TRDN: variants seen among roughly 807,000 people sequenced by gnomAD.
The protein encoded by TRDN is triadin in skeletal muscle.
TRDN carries 161 observed loss-of-function variants against 149.7 expected under a neutral mutation model. That is an observed-to-expected ratio of 1.08 (90% CI 0.95 to 1.23). TRDN has a LOEUF of 1.23. Ranked by LOEUF, TRDN falls within the 50% of genes most tolerant of loss-of-function variation. The probability of loss-of-function intolerance (pLI) is 0.00; values close to 1 mark genes in which losing one functional copy is unlikely to be tolerated. For synonymous variants in TRDN, 294 were observed against 250.5 expected (o/e 1.17, Z -1.64); for missense variants, 896 against 823.5 (o/e 1.09, Z -1.08).
chr6:123,466,737 C>T (rs565443089), intron 9 of TRDN, among the ~76,000 whole-genome samples: 1 of 151,906 alleles, frequency 6.6e-6, no homozygotes, highest in East Asian at 1.9e-4. Context: ...GCTACAAGGA[C>T]AAAGAAGGAG....
chr6:123,279,879 CT>C lies in TRDN; in HGVS notation c.1511-798del, dbSNP rs557328009. The stretch of plus-strand genomic sequence containing the variant: ...TTTAATTTCAAAACTATCCTAGTAA[CT>C]TTTTCTTTTAGCAAAGATAACATAA... On this transcript the variant is annotated intron_variant, in intron 24 of 40. Transcript: ENST00000334268. Among the ~76,000 whole-genome samples the C allele has an allele frequency of 5.5e-3, 838 of 152,204 alleles. 2 individuals carry two copies. Among genetic ancestry groups the C allele is most frequent in the Middle Eastern group, 0.014 (4 of 294 alleles).
At chr6:123,539,394 C>T (rs1438685208) in intron 4 of TRDN, among the ~76,000 whole-genome samples, 1 of 152,136 alleles carries the variant, frequency 6.6e-6, no homozygotes, top group Non-Finnish European at 1.5e-5. Context: ...AGATGAAACT[C>T]TTGATAAAAT....
At chr6:123,410,638 A>T (rs1773393980) in intron 12 of TRDN, among the ~76,000 whole-genome samples, 2 of 152,150 alleles carry the variant, frequency 1.3e-5, no homozygotes. Context: ...GGTATTAATT[A>T]AATGTACAGT....
chr6:123,603,243 C>G (rs1784362479), intron 1 of TRDN, among the ~76,000 whole-genome samples: 1 of 84,080 alleles, frequency 1.2e-5, no homozygotes. Context: ...AGTCTTATCT[C>G]AGAGGCCACA....
At chr6:123,534,424 T>C (rs1436046243) in intron 4 of TRDN, among the ~76,000 whole-genome samples, 1 of 152,172 alleles carries the variant, frequency 6.6e-6, no homozygotes, top group African/African-American at 2.4e-5. Context: ...CACTGACTGT[T>C]GATATCTGTT....
chr6:123,301,578 C>G (rs189761210), intron 24 of TRDN, among the ~76,000 whole-genome samples: 1 of 151,332 alleles, frequency 6.6e-6, no homozygotes, highest in Non-Finnish European at 1.5e-5. Flanking sequence ...TGATTGATTG[C>G]TCCACCAATA....
At position 123,338,892 on chromosome 6, in the gene TRDN, T is replaced by A. The variant is rs561754571; in HGVS notation, c.1370-1223A>T. ...GAATTTATTAATTCTAATTTTAAAA[T>A]TGGGGAAGGTTTTCACTGAGAGTAC... On this transcript the variant is annotated intron_variant, in intron 21 of 40. Coordinates refer to ENST00000334268, the MANE Select transcript of TRDN (RefSeq NM_006073.4). Among the ~76,000 whole-genome samples, 14 of 152,270 alleles carry A rather than the reference T, an allele frequency of 9.2e-5. No homozygotes were observed. In the East Asian group the frequency reaches 2.3e-3, roughly 25 times the overall value.
intron 8 of TRDN, chr6:123,501,906 A>C (rs2114826979): frequency 1.0e-6 from 1 of 980,414 alleles, no homozygotes; most frequent in Non-Finnish European, 1.2e-6. Context: ...TGGAAAATAA[A>C]CATTATTTTA....
rs148169635 is a variant in TRDN at position 123,371,392 on chromosome 6, C to T, written c.1273+4213G>A. Among the ~76,000 whole-genome samples the T allele has an allele frequency of 9.4e-4, 142 of 151,688 alleles. 1 individual carries two copies. In the East Asian group the frequency reaches 0.023, roughly 25 times the overall value. On this transcript the variant is annotated intron_variant, in intron 19 of 40. Transcript: ENST00000334268. ...GATGTATTTTAAGTCTCTTTTTTTC[C>T]GTCCTATTGGGAAATTTGTTTATAT...
chr6:123,274,700 A>G (rs750169333), intron 26 of TRDN, 30 bp from the exon 27 acceptor site: 3 of 1,582,898 alleles, frequency 1.9e-6, no homozygotes, highest in African/African-American at 1.4e-5. Context: ...GAAAATTTAA[A>G]ACCTGAAAAA....
chr6:123,441,276 A>G (rs1364092817), intron 10 of TRDN, among the ~76,000 whole-genome samples: 2 of 152,080 alleles, frequency 1.3e-5, no homozygotes, highest in African/African-American at 4.8e-5. Context: ...TTCTTCCTCA[A>G]CAGCCAAGAG....
intron 1 of TRDN, among the ~76,000 whole-genome samples, chr6:123,622,023 A>T (rs149930333): frequency 6.6e-6 from 1 of 152,068 alleles, no homozygotes; most frequent in African/African-American, 2.4e-5. Flanking sequence ...CTTACGTGAG[A>T]ATCTTTTTAA....
At chr6:123,564,076 T>C (rs894023682) in intron 2 of TRDN, among the ~76,000 whole-genome samples, 6 of 152,234 alleles carry the variant, frequency 3.9e-5, no homozygotes, top group Non-Finnish European at 7.3e-5. Context: ...TTTATCTTTT[T>C]CCTCATTTCA....
intron 24 of TRDN, among the ~76,000 whole-genome samples, chr6:123,306,038 A>G (rs1778597045): frequency 6.6e-6 from 1 of 152,182 alleles, no homozygotes; most frequent in Non-Finnish European, 1.5e-5. Context: ...AACTGGATTT[A>G]TTATATGTTT....
At chr6:123,443,008 G>A (rs1775018109) in intron 10 of TRDN, among the ~76,000 whole-genome samples, 1 of 152,060 alleles carries the variant, frequency 6.6e-6, no homozygotes, top group African/African-American at 2.4e-5. Flanking sequence ...AGTAGAATGT[G>A]TTTGAGTCCC....
At chr6:123,247,215 C>T (rs1776213946) in intron 38 of TRDN, among the ~76,000 whole-genome samples, 1 of 152,180 alleles carries the variant, frequency 6.6e-6, no homozygotes, top group African/African-American at 2.4e-5. Context: ...TGCTCTCTCA[C>T]CACTCCTATT....
At chr6:123,530,592 T>C in intron 4 of TRDN, 27 bp from the exon 5 acceptor site, 1 of 1,176,840 alleles carries the variant, frequency 8.5e-7, no homozygotes. Context: ...TTTATAATTT[T>C]AAAACTCTGA....
intron 4 of TRDN, among the ~76,000 whole-genome samples, chr6:123,540,227 TA>T (rs1780758234): frequency 6.6e-6 from 1 of 152,124 alleles, no homozygotes; most frequent in South Asian, 2.1e-4. Context: ...AAATCCAGAT[TA>T]ATGGGAGTGA....
chr6:123,409,570 A>G (rs1773345199), intron 12 of TRDN, among the ~76,000 whole-genome samples: 1 of 152,224 alleles, frequency 6.6e-6, no homozygotes, highest in Admixed American at 6.5e-5. Flanking sequence ...ATGTTAGCAA[A>G]GAAACAGATT....
Sources: allele counts gnomAD v4.1 joint callset (sites outside exome capture counted in the v4.1 genomes callset), GRCh38; gene constraint gnomAD v4.1.1; transcripts MANE v1.5; gene names NCBI Gene and HGNC (gene_info 2026-07-23, HGNC 2026-07-21).